Variants in CDKN2B-AS1 observed in about 807,000 individuals in gnomAD.
The protein encoded by CDKN2B-AS1 is CDKN2B antisense RNA 1 (non-protein coding).
At chr9:22,126,667 A>T (rs942714387) in intron 4 of CDKN2B-AS1, among the ~76,000 whole-genome samples, 1 of 140,102 alleles carries the variant, frequency 7.1e-6, no homozygotes, top group Non-Finnish European at 1.5e-5. Flanking sequence ...CCGCCTCCGG[A>T]GTTCACGCCA....
Position 22,014,048 on chromosome 9 carries a change from G to A in CDKN2B-AS1, n.29+18887G>A, listed in dbSNP as rs138301587. ...ATGGTTGTCTCTTTCTGTGATTCTA[G>A]CAGCCATGGATAATTATTTCATAGA... On this transcript the variant is annotated intron_variant and non_coding_transcript_variant, in intron 1 of 4. Transcript: ENST00000650946. Among the ~76,000 whole-genome samples, 584 of 152,188 alleles carry A rather than the reference G, an allele frequency of 3.8e-3. 7 individuals carry two copies. The highest frequency in any genetic ancestry group is 0.013 in the African/African-American group (548 of 41,546).
intron 4 of CDKN2B-AS1, among the ~76,000 whole-genome samples, chr9:22,082,294 T>A (rs1824726604): frequency 6.6e-6 from 1 of 152,226 alleles, no homozygotes; most frequent in South Asian, 2.1e-4. Flanking sequence ...ATTATTGCTC[T>A]TTATATAACA....
At chr9:22,064,607 C>A (rs1048572082) in intron 4 of CDKN2B-AS1, among the ~76,000 whole-genome samples, 1 of 152,088 alleles carries the variant, frequency 6.6e-6, no homozygotes, top group African/African-American at 2.4e-5. Flanking sequence ...TGAATCAGTT[C>A]GAGACAGAGA....
At chr9:22,067,521 AAAG>A (rs999420562) in intron 4 of CDKN2B-AS1, among the ~76,000 whole-genome samples, 1 of 151,644 alleles carries the variant, frequency 6.6e-6, no homozygotes, top group African/African-American at 2.4e-5. Context: ...AGAAAAATAA[AAAG>A]AACACACACA....
intron 4 of CDKN2B-AS1, among the ~76,000 whole-genome samples, chr9:22,102,652 G>A (rs1825524770): frequency 6.6e-6 from 1 of 152,064 alleles, no homozygotes; most frequent in African/African-American, 2.4e-5. Context: ...CCTTTAGGCT[G>A]TTTCTTATAA....
At chr9:22,033,289 G>T (rs1822551956) in intron 1 of CDKN2B-AS1, among the ~76,000 whole-genome samples, 1 of 152,186 alleles carries the variant, frequency 6.6e-6, no homozygotes, top group South Asian at 2.1e-4. Flanking sequence ...GCTTGCTTCT[G>T]TTTTACATGC....
At chr9:22,076,138 C>G (rs144274285) in intron 4 of CDKN2B-AS1, among the ~76,000 whole-genome samples, 4 of 152,278 alleles carry the variant, frequency 2.6e-5, no homozygotes, top group African/African-American at 9.6e-5. Context: ...ACTCCAACCT[C>G]TGCCTCTTGG....
At chr9:22,050,736 T>A (rs2038678035) in intron 3 of CDKN2B-AS1, among the ~76,000 whole-genome samples, 1 of 152,158 alleles carries the variant, frequency 6.6e-6, no homozygotes, top group African/African-American at 2.4e-5. Context: ...TGGCACCTAA[T>A]TCGCTGGCAC....
chr9:21,995,176 AC>A lies in CDKN2B-AS1; in HGVS notation n.29+18del, dbSNP rs1273299590. 6.6e-6 allele frequency: 1 copy of A among 152,128 alleles called. No homozygotes were observed. Among genetic ancestry groups the A allele is most frequent in the Non-Finnish European group, 1.5e-5 (1 of 68,040 alleles). The allele number at this position is 152,128 out of a possible 1,614,324, so 9.4% of individuals were successfully genotyped here. On this transcript the variant is annotated intron_variant and non_coding_transcript_variant, in intron 1 of 4. Coordinates refer to ENST00000650946, the Ensembl canonical transcript of CDKN2B-AS1. This position sits in a 1 kb window ranked among gnomAD's most constrained non-coding sequence, Gnocchi z 5.7. ...CGCCGGACTAGGTAGGTGGAGTCGCACCCGGGGGTCCCAGCTGGGTCCGGGC... is the reference window on the plus strand; with the variant it reads ...CGCCGGACTAGGTAGGTGGAGTCGCACCGGGGGTCCCAGCTGGGTCCGGGC...
At chr9:22,106,506 C>T (rs887245597) in intron 4 of CDKN2B-AS1, among the ~76,000 whole-genome samples, 4 of 152,164 alleles carry the variant, frequency 2.6e-5, no homozygotes, top group East Asian at 1.9e-4. Flanking sequence ...CATGCGCTAC[C>T]GTGCCCAGCC....
chr9:22,058,311 C>T (rs1192724518), intron 4 of CDKN2B-AS1: 1 of 152,226 alleles, frequency 6.6e-6, no homozygotes, highest in Admixed American at 6.5e-5. Context: ...CGGGTACTGA[C>T]AAATTTCCAT....
rs559368242 is a variant in CDKN2B-AS1, at chr9:22,047,785, T to C, written n.179+885T>C. The stretch of plus-strand genomic sequence containing the variant: ...GACACTGTTGATGAGAAAACTTTTT[T>C]TTTCTTTCTTTTTTTTTTTTAGACA... On this transcript the variant is annotated intron_variant and non_coding_transcript_variant, in intron 2 of 4. Coordinates refer to ENST00000650946, the Ensembl canonical transcript of CDKN2B-AS1. Among the ~76,000 whole-genome samples the C allele has an allele frequency of 5.3e-5, 8 of 152,048 alleles. No homozygotes were observed. In the East Asian group the frequency reaches 1.5e-3, roughly 29 times the overall value.
chr9:22,040,001 CT>C (rs1330019921), intron 1 of CDKN2B-AS1, among the ~76,000 whole-genome samples: 1 of 152,154 alleles, frequency 6.6e-6, no homozygotes, highest in East Asian at 1.9e-4. Context: ...TGGAGTTATG[CT>C]GCTAAAAGTC....
In CDKN2B-AS1 at chr9:21,997,177, C is replaced by G. The variant is rs1820727069; in HGVS notation, n.29+2016C>G. On this transcript the variant is annotated intron_variant and non_coding_transcript_variant, in intron 1 of 4. Transcript: ENST00000650946. This position sits in a 1 kb window ranked among gnomAD's most constrained non-coding sequence, Gnocchi z 4.8. ...TGGGCTATTGCTCCTAGGCTGCAAACCTTTACAACATGTTACTATACTGAA... is the reference window on the plus strand; with the variant it reads ...TGGGCTATTGCTCCTAGGCTGCAAAGCTTTACAACATGTTACTATACTGAA... Among the ~76,000 whole-genome samples, 1 of 152,094 alleles carries G rather than the reference C, an allele frequency of 6.6e-6. No homozygotes were observed. Among genetic ancestry groups the G allele is most frequent in the Non-Finnish European group, 1.5e-5 (1 of 68,018 alleles).
Position 22,006,803 on chromosome 9 carries a change from G to C in CDKN2B-AS1, n.29+11642G>C, listed in dbSNP as rs372873045. ...TCTCATAGCAAATCCCGTGCGGAAG[G>C]CTTTTGTTTGTCATGTGTCTGAGCT... On this transcript the variant is annotated intron_variant and non_coding_transcript_variant, in intron 1 of 4. Coordinates refer to ENST00000650946, the Ensembl canonical transcript of CDKN2B-AS1. The surrounding 1 kb of genome is among the most constrained non-coding windows in gnomAD (Gnocchi z 6.4). Among the ~76,000 whole-genome samples the C allele has an allele frequency of 6.5e-4, 98 of 151,814 alleles. No homozygotes were observed. The highest frequency in any genetic ancestry group is 2.3e-3 in the African/African-American group (94 of 41,396).
intron 1 of CDKN2B-AS1, among the ~76,000 whole-genome samples, chr9:22,034,631 A>G (rs919951694): frequency 6.6e-6 from 1 of 152,186 alleles, no homozygotes. Flanking sequence ...AGTGTTTATC[A>G]TACTCAATCT....
rs190584399 is a variant in CDKN2B-AS1 at position 22,039,926 on chromosome 9, G to T, written n.30-6825G>T. On this transcript the variant is annotated intron_variant and non_coding_transcript_variant, in intron 1 of 4. Transcript: ENST00000650946. The surrounding 1 kb of genome is among the most constrained non-coding windows in gnomAD (Gnocchi z 4.4). ...GACATAGGAGAAGCTCCTAATCATGGTGTCCTTATAAAAAGGAGAATTTTG... is the reference window on the plus strand; with the variant it reads ...GACATAGGAGAAGCTCCTAATCATGTTGTCCTTATAAAAAGGAGAATTTTG... Among the ~76,000 whole-genome samples the T allele has an allele frequency of 1.3e-3, 199 of 152,112 alleles. 1 individual carries two copies. Among genetic ancestry groups the T allele is most frequent in the African/African-American group, 4.5e-3 (186 of 41,542 alleles).
chr9:22,040,619 C>A (rs980858945), intron 1 of CDKN2B-AS1, among the ~76,000 whole-genome samples: 4 of 151,928 alleles, frequency 2.6e-5, no homozygotes, highest in African/African-American at 9.7e-5. Flanking sequence ...GAGGAATGAA[C>A]TCCTTGATAT....
At chr9:22,082,693 G>T (rs1025478405) in intron 4 of CDKN2B-AS1, among the ~76,000 whole-genome samples, 1 of 152,204 alleles carries the variant, frequency 6.6e-6, no homozygotes, top group African/African-American at 2.4e-5. Context: ...TTTTATACCT[G>T]TAGTAAATTG....
Sources: gnomAD v4.1 joint callset for allele counts (sites outside exome capture counted in the v4.1 genomes callset) on GRCh38, gnomAD v4.1.1 for gene constraint, Gnocchi (gnomAD v3.1) non-coding constraint, MANE v1.5 for transcripts, NCBI Gene and HGNC (gene_info 2026-07-23, HGNC 2026-07-21) for gene names.